ROBO2: variants seen among roughly 807,000 people sequenced by gnomAD.
The protein encoded by ROBO2 is roundabout guidance receptor 2, also known as roundabout homolog 2.
Under a neutral mutation model 160.8 loss-of-function variants are expected in ROBO2, and 53 were observed. That is an observed-to-expected ratio of 0.33 (90% CI 0.26 to 0.41). The LOEUF is 0.41. Ranked by LOEUF, ROBO2 falls within the 10% of genes least tolerant of loss-of-function variation. ROBO2 has a pLI of 1.00. For missense variants in ROBO2, 1,577 were observed against 1,722.4 expected, an observed-to-expected ratio of 0.92 and a Z score of 1.49; for synonymous variants, 664 against 611.7, an observed-to-expected ratio of 1.09 and a Z score of -1.26.
At chr3:76,942,319 T>C (rs1422893179) in intron 2 of ROBO2, among the ~76,000 whole-genome samples, 1 of 152,240 alleles carries the variant, frequency 6.6e-6, no homozygotes, top group Non-Finnish European at 1.5e-5. Context: ...ACCTCACTTT[T>C]ACAAGTGAAG....
chr3:77,098,288 G>A (rs1372694436), exon 2 of ROBO2: 3 of 1,614,210 alleles, frequency 1.9e-6, no homozygotes, highest in South Asian at 2.2e-5. Flanking sequence ...TTTGTGTTGC[G>A]AGGAACTATC....
At chr3:76,505,598 G>T (rs1034404708) in intron 2 of ROBO2, among the ~76,000 whole-genome samples, 2 of 152,126 alleles carry the variant, frequency 1.3e-5, no homozygotes, top group Non-Finnish European at 2.9e-5. Context: ...ACAGAAACGG[G>T]TGTTCTACCC....
intron 2 of ROBO2, among the ~76,000 whole-genome samples, chr3:77,122,243 A>C (rs1259756429): frequency 6.6e-6 from 1 of 151,988 alleles, no homozygotes. Flanking sequence ...GTGTGTGTTT[A>C]TGTCTAAAGA....
At position 76,202,362 on chromosome 3, in the gene ROBO2, T is replaced by C. The variant is rs541497626; in HGVS notation, c.109+264760T>C. 2.6e-5 allele frequency among the ~76,000 whole-genome samples: 4 copies of C among 152,290 alleles called. No homozygotes were observed. In the South Asian group the frequency reaches 8.3e-4, roughly 32 times the overall value. On this transcript the variant is annotated intron_variant, in intron 2 of 26. Coordinates refer to the ROBO2 transcript ENST00000487694. ...TATCTTACCACACATGAAATGAATA[T>C]AAAACTGTAGGAAACGCGGATTGAT...
rs530270707 is a variant in ROBO2, at chr3:76,221,914, T to C, written c.109+284312T>C. On this transcript the variant is annotated intron_variant, in intron 2 of 26. Coordinates refer to the ROBO2 transcript ENST00000487694. ...ATAACCTGAGAAGGGTCTATTCCAATAAGCACAAAATGCTGCCACTTCCAT... is the reference window on the plus strand; with the variant it reads ...ATAACCTGAGAAGGGTCTATTCCAACAAGCACAAAATGCTGCCACTTCCAT... Among the ~76,000 whole-genome samples the C allele has an allele frequency of 3.3e-5, 5 of 152,252 alleles. No homozygotes were observed. In the South Asian group the frequency reaches 1.0e-3, roughly 32 times the overall value.
chr3:76,930,844 G>C (rs1022391566), intron 2 of ROBO2, among the ~76,000 whole-genome samples: 1 of 152,196 alleles, frequency 6.6e-6, no homozygotes, highest in Non-Finnish European at 1.5e-5. Flanking sequence ...ACGTTGGTAA[G>C]AGCAATCTTC....
intron 2 of ROBO2, among the ~76,000 whole-genome samples, chr3:76,310,404 A>G (rs1396897303): frequency 6.6e-6 from 1 of 152,202 alleles, no homozygotes; most frequent in Non-Finnish European, 1.5e-5. Flanking sequence ...TGGTGGGTTC[A>G]TTAGGGTGAC....
chr3:76,247,750 C>A (rs956759055), intron 2 of ROBO2, among the ~76,000 whole-genome samples: 7 of 151,936 alleles, frequency 4.6e-5, no homozygotes, highest in Non-Finnish European at 5.9e-5. Context: ...ACTCATCTGA[C>A]AAAGGGCTAA....
chr3:77,190,716 T>G (rs2081757534), intron 2 of ROBO2, among the ~76,000 whole-genome samples: 1 of 152,082 alleles, frequency 6.6e-6, no homozygotes, highest in South Asian at 2.1e-4. Flanking sequence ...TGCTGCTCTA[T>G]GCTAGATTTT....
chr3:76,412,880 C>T (rs2075566886), intron 2 of ROBO2, among the ~76,000 whole-genome samples: 1 of 152,176 alleles, frequency 6.6e-6, no homozygotes, highest in South Asian at 2.1e-4. Flanking sequence ...AGACAGTGCC[C>T]CAGTAGAGAC....
At chr3:77,428,416 C>T (rs13087121) in intron 2 of ROBO2, among the ~76,000 whole-genome samples, 24,213 of 136,312 alleles carry the variant, frequency 0.18, 2,284 homozygotes, top group African/African-American at 0.27. Context: ...ACTGCAGTGG[C>T]GCAATCTCGG....
intron 16 of ROBO2, 75 bp downstream of exon 17, chr3:77,580,193 T>A (rs961207021): frequency 7.5e-7 from 1 of 1,334,198 alleles, no homozygotes; most frequent in Non-Finnish European, 1.1e-6. Context: ...TGCATCAACC[T>A]ACTAATAGTG....
intron 2 of ROBO2, among the ~76,000 whole-genome samples, chr3:77,313,962 A>G (rs1381513381): frequency 6.6e-6 from 1 of 152,174 alleles, no homozygotes; most frequent in Non-Finnish European, 1.5e-5. Context: ...TGCCTATTTC[A>G]TGTTGGCTGG....
At chr3:77,180,708 T>C (rs2080696347) in intron 2 of ROBO2, among the ~76,000 whole-genome samples, 1 of 151,942 alleles carries the variant, frequency 6.6e-6, no homozygotes, top group South Asian at 2.1e-4. Flanking sequence ...AGATTCAATT[T>C]TGTACTCTGT....
intron 2 of ROBO2, among the ~76,000 whole-genome samples, chr3:76,920,776 A>C (rs2076605846): frequency 6.6e-6 from 1 of 152,244 alleles, no homozygotes; most frequent in Non-Finnish European, 1.5e-5. Flanking sequence ...ACTTTTGACA[A>C]GAAGAGGCAA....
At chr3:75,966,309 T>C (rs1324731349) in intron 2 of ROBO2, among the ~76,000 whole-genome samples, 3 of 151,636 alleles carry the variant, frequency 2.0e-5, no homozygotes, top group Non-Finnish European at 4.4e-5. Flanking sequence ...AACATGAATG[T>C]GTCATGAATT....
At chr3:77,580,075 T>C (rs753610188) in exon 16 of ROBO2, 16 of 1,613,722 alleles carry the variant, frequency 9.9e-6, no homozygotes, top group East Asian at 2.2e-5. Context: ...CTAGTACCAG[T>C]GCAGGGGTTG....
chr3:77,619,619 TCA>T (rs1448924288), intron 22 of ROBO2, among the ~76,000 whole-genome samples: 1 of 152,156 alleles, frequency 6.6e-6, no homozygotes, highest in Non-Finnish European at 1.5e-5. Flanking sequence ...TTTGGCTCTG[TCA>T]CACAGACATT....
intron 2 of ROBO2, among the ~76,000 whole-genome samples, chr3:76,784,613 C>T (rs1186872974): frequency 6.6e-6 from 1 of 151,078 alleles, no homozygotes; most frequent in Non-Finnish European, 1.5e-5. Flanking sequence ...CATAAGATGC[C>T]AGCCACAGGA....
Sources: gnomAD v4.1 joint callset for allele counts (sites outside exome capture counted in the v4.1 genomes callset) on GRCh38, gnomAD v4.1.1 for gene constraint, MANE v1.5 for transcripts, NCBI Gene and HGNC (gene_info 2026-07-23, HGNC 2026-07-21) for gene names.